The following FYB1 variants were observed in gnomAD, a reference collection of about 807,000 sequenced individuals.
FYB1 encodes FYN binding protein 1.
Under a neutral mutation model 94.1 loss-of-function variants are expected in FYB1, and 41 were observed. The observed-to-expected ratio is 0.44, with a 90% CI of 0.34 to 0.57. The LOEUF is 0.57. Among genes scored for constraint, FYB1 ranks in the 20% least tolerant of loss-of-function variants. FYB1 has a pLI of 0.02. For synonymous variants in FYB1, 367 were observed against 353.2 expected, an observed-to-expected ratio of 1.04 and a Z score of -0.44; for missense variants, 1,050 against 976.8, an observed-to-expected ratio of 1.07 and a Z score of -1.00.
At chr5:39,165,756 T>C (rs1054824437) in intron 2 of FYB1, among the ~76,000 whole-genome samples, 31 of 152,296 alleles carry the variant, frequency 2.0e-4, no homozygotes, top group African/African-American at 6.7e-4. Flanking sequence ...AGGACTCATA[T>C]CCAGAATCTA....
At chr5:39,233,129 T>G (rs1346982868) in intron 1 of FYB1, among the ~76,000 whole-genome samples, 1 of 152,206 alleles carries the variant, frequency 6.6e-6, no homozygotes, top group Admixed American at 6.5e-5. Flanking sequence ...TCTAGATCCC[T>G]GAGGAATCGC....
chr5:39,225,386 T>A (rs1353848211), intron 1 of FYB1, among the ~76,000 whole-genome samples: 1 of 152,194 alleles, frequency 6.6e-6, no homozygotes, highest in African/African-American at 2.4e-5. Context: ...AATGGCCAAC[T>A]AACATCTAAG....
upstream of FYB1, among the ~76,000 whole-genome samples, chr5:39,220,169 A>G (rs1391752208): frequency 1.3e-5 from 2 of 151,950 alleles, no homozygotes; most frequent in Non-Finnish European, 2.9e-5. Context: ...GGTACTTTGG[A>G]AGGCTGAGGC....
At chr5:39,140,972 G>C (rs572182902) in intron 4 of FYB1, 123 bp downstream of exon 4, 1 of 666,920 alleles carries the variant, frequency 1.5e-6, no homozygotes, top group Non-Finnish European at 2.7e-6. Context: ...CAAATAAAAC[G>C]AGAGGGGCCT....
chr5:39,127,712 G>T (rs1256660672), intron 11 of FYB1, 29 bp downstream of exon 11: 1 of 1,565,618 alleles, frequency 6.4e-7, no homozygotes. Flanking sequence ...ATAATAATTT[G>T]CAAAAAGCAG....
intron 2 of FYB1, among the ~76,000 whole-genome samples, chr5:39,167,752 A>G (rs1355867188): frequency 2.0e-5 from 3 of 152,220 alleles, no homozygotes; most frequent in Non-Finnish European, 2.9e-5. Context: ...AGATTTGCAT[A>G]TTTTATTTTC....
intron 2 of FYB1, among the ~76,000 whole-genome samples, chr5:39,182,683 A>C (rs908858510): frequency 1.3e-5 from 2 of 152,208 alleles, no homozygotes; most frequent in African/African-American, 4.8e-5. Context: ...TGAAAGTCAG[A>C]GTACTTGGCA....
At chr5:39,120,451 C>T (rs967030527) in intron 14 of FYB1, among the ~76,000 whole-genome samples, 5 of 152,046 alleles carry the variant, frequency 3.3e-5, no homozygotes, top group Admixed American at 1.3e-4. Flanking sequence ...GTAGCCTGTC[C>T]GCACACAGGA....
In FYB1 at chr5:39,124,244, A is replaced by G. The variant is rs768463134; in HGVS notation, c.2071+9T>C. On this transcript the variant is annotated intron_variant, in intron 13 of 18. Transcript: ENST00000512982. ...GATACAGAACATACAATCAGTTTTT[A>G]TTACTTACCCAATTGTTTAGGAGGA... 1.9e-6 allele frequency: 3 copies of G among 1,553,562 alleles called. No homozygotes were observed. Among genetic ancestry groups the G allele is most frequent in the South Asian group, 1.2e-5 (1 of 83,094 alleles).
Position 39,137,703 on chromosome 5 carries a change from C to T in FYB1, c.1412G>A (p.Arg471Lys), listed in dbSNP as rs766761379. The change falls in exon 7 of 19, where the codon AGA becomes AAA. Residue 471 changes from arginine (R) to lysine (K), a missense_variant. Physicochemically the swap from Arg to Lys is conservative, Grantham distance 26 (BLOSUM62 2). Coordinates refer to ENST00000512982, the MANE Select transcript of FYB1 (RefSeq NM_001465.6). ...TYEDIEASKE[R>K]EKKREKEEKK... Reference sequence around the variant, plus strand: ...TTCTTCCTTTTCCCTTTTCTTCTCTCTTTCTTTGGATGCTTCTCTGTGAGT... The same window carrying T: ...TTCTTCCTTTTCCCTTTTCTTCTCTTTTTCTTTGGATGCTTCTCTGTGAGT... 1.3e-6 allele frequency: 2 copies of T among 1,550,388 alleles called. No homozygotes were observed. The highest frequency in any genetic ancestry group is 1.2e-5 in the South Asian group (1 of 84,006).
chr5:39,211,322 C>CTT (rs70982549), intron 1 of FYB1, among the ~76,000 whole-genome samples: 105 of 118,514 alleles, frequency 8.9e-4, no homozygotes, highest in African/African-American at 3.0e-3. Flanking sequence ...CTTTTCTTTT[C>CTT]TTTTTTTTTT....
At chr5:39,209,252 A>G (rs1255107137) in intron 1 of FYB1, among the ~76,000 whole-genome samples, 1 of 152,196 alleles carries the variant, frequency 6.6e-6, no homozygotes, top group Non-Finnish European at 1.5e-5. Context: ...CTTCACAAGC[A>G]TCGTAGATAA....
At chr5:39,228,653 A>AT (rs1405963216) in intron 1 of FYB1, among the ~76,000 whole-genome samples, 2 of 152,198 alleles carry the variant, frequency 1.3e-5, no homozygotes, top group Non-Finnish European at 2.9e-5. Context: ...CAGGGTCAAC[A>AT]TTTTTTGATA....
At chr5:39,170,765 G>A (rs796182267) in intron 2 of FYB1, among the ~76,000 whole-genome samples, 5 of 152,178 alleles carry the variant, frequency 3.3e-5, no homozygotes, top group African/African-American at 1.2e-4. Context: ...TCCAAACTGT[G>A]ACCTTCTGGA....
rs1403752433 is a variant in FYB1 at position 39,239,931 on chromosome 5, C to A, written c.-28+34472G>T. Among the ~76,000 whole-genome samples the A allele has an allele frequency of 2.0e-5, 3 of 152,200 alleles. No homozygotes were observed. In the East Asian group the frequency reaches 5.8e-4, roughly 29 times the overall value. ...AACTATACTATAAGGCTACAGTAAC[C>A]AAAATGGCATGGTACTTTCTGCCTT... is the stretch of plus-strand genomic sequence containing the variant. On this transcript the variant is annotated intron_variant, in intron 1 of 1. Coordinates refer to the FYB1 transcript ENST00000510188.
intron 1 of FYB1, among the ~76,000 whole-genome samples, chr5:39,256,578 G>A (rs1187820415): frequency 1.3e-5 from 2 of 152,312 alleles, no homozygotes; most frequent in African/African-American, 2.4e-5. Context: ...ATGGTTGGTA[G>A]CTACAGGTGG....
intron 2 of FYB1, among the ~76,000 whole-genome samples, chr5:39,176,221 G>T (rs1745722319): frequency 7.6e-6 from 1 of 131,100 alleles, no homozygotes; most frequent in African/African-American, 2.9e-5. Flanking sequence ...CGCGATCTTG[G>T]CTTACTGCAA....
Position 39,214,720 on chromosome 5 carries a change from G to A in FYB1, c.-28+4723C>T, listed in dbSNP as rs148818509. Among the ~76,000 whole-genome samples, 277 of 152,314 alleles carry A rather than the reference G, an allele frequency of 1.8e-3. 3 individuals are homozygous for A. The East Asian group carries it at 0.037, about 20-fold the overall frequency. Reference sequence around the variant, plus strand: ...AGGCAGGCAGATCACTTGAGGTCAGGAGTTTGGGACCAGCCTGGCCAACAT... The same window carrying A: ...AGGCAGGCAGATCACTTGAGGTCAGAAGTTTGGGACCAGCCTGGCCAACAT... On this transcript the variant is annotated intron_variant, in intron 1 of 18. Coordinates refer to ENST00000512982, the MANE Select transcript of FYB1 (RefSeq NM_001465.6).
At chr5:39,149,745 TCCTTGG>T (rs1313268295) in intron 3 of FYB1, among the ~76,000 whole-genome samples, 3 of 152,130 alleles carry the variant, frequency 2.0e-5, no homozygotes, top group African/African-American at 7.2e-5. Flanking sequence ...CACTGACTCC[TCCTTGG>T]ATGCTTCCTT....
Sources: gnomAD v4.1 joint callset for allele counts (sites outside exome capture counted in the v4.1 genomes callset) on GRCh38, gnomAD v4.1.1 for gene constraint, MANE v1.5 for transcripts, NCBI Gene and HGNC (gene_info 2026-07-23, HGNC 2026-07-21) for gene names.